Variants in PARVA observed in about 807,000 individuals in gnomAD.
PARVA encodes the protein parvin alpha.
A neutral mutation model predicts 52.6 loss-of-function variants in PARVA; 25 were observed. That is an observed-to-expected ratio of 0.48 (90% CI 0.35 to 0.66). The LOEUF (loss-of-function observed/expected upper bound fraction) is 0.66. Among genes scored for constraint, PARVA ranks in the 30% least tolerant of loss-of-function variants. PARVA has a pLI of 0.01. For missense variants in PARVA, 373 were observed against 450.9 expected (o/e 0.83, Z 1.56); for synonymous variants, 185 against 179.1 (o/e 1.03, Z -0.26).
chr11:12,381,707 AAAG>A (rs1233629189), intron 1 of PARVA, among the ~76,000 whole-genome samples: 3 of 152,224 alleles, frequency 2.0e-5, no homozygotes, highest in Non-Finnish European at 1.5e-5. Flanking sequence ...AAACTGGAGA[AAAG>A]AAAATGTTAT....
chr11:12,394,643 A>G (rs1002946260), intron 1 of PARVA, among the ~76,000 whole-genome samples: 1 of 152,192 alleles, frequency 6.6e-6, no homozygotes, highest in Non-Finnish European at 1.5e-5. Context: ...GAGTTGCTGT[A>G]GTATTCTGTC....
upstream of PARVA, chr11:12,377,490 G>A: frequency 7.1e-7 from 1 of 1,416,330 alleles, no homozygotes; most frequent in Non-Finnish European, 9.2e-7. Context: ...GCGAGGGAGG[G>A]AGCGAGGGAA....
At chr11:12,471,913 C>T (rs899022598) in intron 1 of PARVA, among the ~76,000 whole-genome samples, 6 of 152,232 alleles carry the variant, frequency 3.9e-5, no homozygotes, top group East Asian at 1.9e-4. Context: ...CACATTTAAA[C>T]ATGACTTTAT....
intron 1 of PARVA, among the ~76,000 whole-genome samples, chr11:12,410,831 G>A (rs1008354740): frequency 1.3e-5 from 2 of 152,212 alleles, no homozygotes; most frequent in African/African-American, 4.8e-5. Context: ...TTTCAATAAA[G>A]TATCGCATGG....
intron 1 of PARVA, among the ~76,000 whole-genome samples, chr11:12,396,495 T>G (rs1565326605): frequency 1.3e-5 from 2 of 152,212 alleles, no homozygotes; most frequent in Non-Finnish European, 2.9e-5. Flanking sequence ...GACAGGTTCA[T>G]CATTCTCTCT....
intron 1 of PARVA, 78 bp downstream of exon 1, chr11:12,377,861 C>T: frequency 1.7e-6 from 2 of 1,143,358 alleles, no homozygotes; most frequent in South Asian, 2.5e-5. Flanking sequence ...GGCACTGGGA[C>T]CGGGCGGGAG....
chr11:12,397,014 T>C (rs1472090762), intron 1 of PARVA, among the ~76,000 whole-genome samples: 3 of 152,056 alleles, frequency 2.0e-5, no homozygotes, highest in Non-Finnish European at 4.4e-5. Context: ...GCTGCAATAT[T>C]ATTGTTAAGA....
chr11:12,449,082 A>G (rs1480830048), intron 1 of PARVA, among the ~76,000 whole-genome samples: 3 of 152,078 alleles, frequency 2.0e-5, no homozygotes, highest in African/African-American at 7.2e-5. Context: ...TTGTTTTGAA[A>G]TTTCAATCTC....
intron 1 of PARVA, among the ~76,000 whole-genome samples, chr11:12,413,849 A>T (rs1564841421): frequency 6.6e-6 from 1 of 152,258 alleles, no homozygotes; most frequent in Non-Finnish European, 1.5e-5. Context: ...ACCCATGGAC[A>T]GGTTTCTTGA....
At chr11:12,415,273 G>T (rs780803577) in intron 1 of PARVA, among the ~76,000 whole-genome samples, 3 of 152,194 alleles carry the variant, frequency 2.0e-5, no homozygotes, top group Non-Finnish European at 4.4e-5. Context: ...TTGAAACTAG[G>T]ATTCCAGCAT....
At chr11:12,381,127 C>T (rs189594892) in intron 1 of PARVA, among the ~76,000 whole-genome samples, 137 of 152,260 alleles carry the variant, frequency 9.0e-4, no homozygotes, top group Non-Finnish European at 1.6e-3. Flanking sequence ...CAAGCCCAGG[C>T]AAAGAAGGCA....
At chr11:12,527,219 A>T (rs1041080569) in intron 12 of PARVA, among the ~76,000 whole-genome samples, 6 of 151,916 alleles carry the variant, frequency 3.9e-5, no homozygotes, top group African/African-American at 1.5e-4. Context: ...AAGGAAGGCA[A>T]AGAGGGAGGA....
At chr11:12,376,819 A>C, upstream of PARVA, 601 of 637,560 alleles carry the variant, frequency 9.4e-4, no homozygotes, top group Non-Finnish European at 1.1e-3. Context: ...CTGTTATCTC[A>C]AATGAGTCTG....
At chr11:12,447,831 C>T (rs1221301946) in intron 1 of PARVA, among the ~76,000 whole-genome samples, 2 of 152,176 alleles carry the variant, frequency 1.3e-5, no homozygotes, top group East Asian at 3.9e-4. Context: ...GGGGAATGAA[C>T]ATGAGGTTTG....
chr11:12,515,422 C>T (rs1459393307), intron 10 of PARVA, among the ~76,000 whole-genome samples: 3 of 152,200 alleles, frequency 2.0e-5, no homozygotes, highest in African/African-American at 7.2e-5. Context: ...GGAAAAGTGA[C>T]GCTTCCTTGA....
chr11:12,441,210 C>T (rs922052690), intron 1 of PARVA, among the ~76,000 whole-genome samples: 15 of 152,172 alleles, frequency 9.9e-5, no homozygotes, highest in Non-Finnish European at 1.9e-4. Context: ...CGTTCCTGAC[C>T]TCTGCTAAAT....
chr11:12,425,009 C>A (rs1357438936), intron 1 of PARVA, among the ~76,000 whole-genome samples: 1 of 152,204 alleles, frequency 6.6e-6, no homozygotes, highest in African/African-American at 2.4e-5. Flanking sequence ...TCCACATGCT[C>A]TGTCTCCCCC....
Position 12,485,436 on chromosome 11 carries a change from T to C in PARVA, c.400+7487T>C, listed in dbSNP as rs369331233. On this transcript the variant is annotated intron_variant, in intron 4 of 12. Transcript: ENST00000334956. Reference sequence around the variant, plus strand: ...CTGGGGCAGGGAATGTAGATGAGCCTAGAGCATCTTGCAGTACCAAAAAGA... The same window carrying C: ...CTGGGGCAGGGAATGTAGATGAGCCCAGAGCATCTTGCAGTACCAAAAAGA... Among the ~76,000 whole-genome samples the C allele has an allele frequency of 5.6e-4, 86 of 152,216 alleles. 1 individual carries two copies. In the East Asian group the frequency reaches 0.016, roughly 28 times the overall value.
chr11:12,379,171 A>G (rs535125731), intron 1 of PARVA, among the ~76,000 whole-genome samples: 38 of 152,232 alleles, frequency 2.5e-4, no homozygotes, highest in African/African-American at 9.1e-4. Flanking sequence ...TCTTGTCGCC[A>G]TTTTGGTTTT....
Sources: gnomAD v4.1 joint callset for allele counts (sites outside exome capture counted in the v4.1 genomes callset) on GRCh38, gnomAD v4.1.1 for gene constraint, MANE v1.5 for transcripts, NCBI Gene and HGNC (gene_info 2026-07-23, HGNC 2026-07-21) for gene names.